The following PPM1L variants were observed in gnomAD, a reference collection of about 807,000 sequenced individuals.
The protein encoded by PPM1L is protein phosphatase, Mg2+/Mn2+ dependent 1L.
In PPM1L, 13 loss-of-function variants were observed where a neutral mutation model predicts 31.4. The ratio of observed to expected loss-of-function variants is 0.41; its 90% CI spans 0.27 to 0.66. The LOEUF (loss-of-function observed/expected upper bound fraction) is 0.66, where lower values mean the gene tolerates loss of function less well. Ranked by LOEUF, PPM1L falls within the 30% of genes least tolerant of loss-of-function variation. PPM1L has a pLI of 0.29. For synonymous variants in PPM1L, 184 were observed against 175.4 expected (o/e 1.05, Z -0.39); for missense variants, 326 against 453.7 (o/e 0.72, Z 2.56).
At chr3:160,824,632 G>A (rs1713304063) in intron 1 of PPM1L, among the ~76,000 whole-genome samples, 1 of 152,108 alleles carries the variant, frequency 6.6e-6, no homozygotes, top group Non-Finnish European at 1.5e-5. Context: ...AATACGGATG[G>A]ATCACCATAC....
chr3:160,804,212 G>T (rs1267377751), intron 1 of PPM1L, among the ~76,000 whole-genome samples: 1 of 151,986 alleles, frequency 6.6e-6, no homozygotes, highest in Non-Finnish European at 1.5e-5. Context: ...GATTACAGGC[G>T]TGAGCCACCA....
intron 2 of PPM1L, among the ~76,000 whole-genome samples, chr3:161,061,878 A>C (rs1719582345): frequency 6.6e-6 from 1 of 152,200 alleles, no homozygotes; most frequent in Non-Finnish European, 1.5e-5. Flanking sequence ...AATTCAACTC[A>C]AAAAGTCTCA....
intron 1 of PPM1L, among the ~76,000 whole-genome samples, chr3:160,915,074 A>T (rs1325367154): frequency 1.3e-5 from 2 of 152,128 alleles, no homozygotes; most frequent in Admixed American, 1.3e-4. Context: ...CAGGCAGGAG[A>T]AGGAAATAAA....
At chr3:160,950,406 A>G (rs1044346707) in intron 1 of PPM1L, among the ~76,000 whole-genome samples, 1 of 152,174 alleles carries the variant, frequency 6.6e-6, no homozygotes, top group Non-Finnish European at 1.5e-5. Flanking sequence ...ACATCACGCT[A>G]AATAAGGCAG....
At chr3:160,824,284 C>T (rs1203743680) in intron 1 of PPM1L, among the ~76,000 whole-genome samples, 1 of 152,090 alleles carries the variant, frequency 6.6e-6, no homozygotes, top group African/African-American at 2.4e-5. Context: ...CGAAACCTGA[C>T]CATATTGGCT....
At chr3:160,954,142 ATC>A (rs1222326760) in intron 1 of PPM1L, among the ~76,000 whole-genome samples, 1 of 152,218 alleles carries the variant, frequency 6.6e-6, no homozygotes, top group African/African-American at 2.4e-5. Flanking sequence ...ATCTGTAAAA[ATC>A]TGTTAGGGTT....
intron 1 of PPM1L, among the ~76,000 whole-genome samples, chr3:160,791,153 A>G (rs1197909528): frequency 6.6e-6 from 1 of 152,168 alleles, no homozygotes; most frequent in Admixed American, 6.6e-5. Context: ...AATGACAGTC[A>G]CTGCACTAGG....
rs1246796973 is a variant in PPM1L, at chr3:161,003,764, A to G, written c.574+41854A>G. ...GCTGAGACAATGGGGTTTTCTAGAT[A>G]TACAATCATGTCGTCTGCAAACAGG... On this transcript the variant is annotated intron_variant, in intron 2 of 3. Coordinates refer to ENST00000498165, the MANE Select transcript of PPM1L (RefSeq NM_139245.4). Among the ~76,000 whole-genome samples the G allele has an allele frequency of 2.0e-5, 3 of 152,082 alleles. 1 individual carries two copies. Among genetic ancestry groups the G allele is most frequent in the African/African-American group, 7.2e-5 (3 of 41,410 alleles).
chr3:160,784,666 T>C (rs1162590527), intron 1 of PPM1L, among the ~76,000 whole-genome samples: 1 of 152,232 alleles, frequency 6.6e-6, no homozygotes, highest in African/African-American at 2.4e-5. Flanking sequence ...TTTGTTTTTC[T>C]CTCCCTACAT....
intron 1 of PPM1L, among the ~76,000 whole-genome samples, chr3:160,835,073 C>CTTT (rs1560120569): frequency 2.1e-4 from 30 of 140,642 alleles, no homozygotes; most frequent in African/African-American, 9.0e-4. Flanking sequence ...TCTTCTTCTT[C>CTTT]TTCTTCTTCT....
chr3:161,052,831 T>C (rs1162538784), intron 2 of PPM1L, among the ~76,000 whole-genome samples: 1 of 152,202 alleles, frequency 6.6e-6, no homozygotes, highest in Admixed American at 6.5e-5. Context: ...TAATTCTCTT[T>C]TAAGTACCAG....
intron 2 of PPM1L, among the ~76,000 whole-genome samples, chr3:161,026,249 C>A (rs991482140): frequency 6.6e-6 from 1 of 152,142 alleles, no homozygotes; most frequent in Non-Finnish European, 1.5e-5. Flanking sequence ...GACAAGCAAG[C>A]AGGTGTGCAT....
At chr3:160,905,907 T>C (rs898324583) in intron 1 of PPM1L, among the ~76,000 whole-genome samples, 1 of 152,154 alleles carries the variant, frequency 6.6e-6, no homozygotes, top group Non-Finnish European at 1.5e-5. Context: ...CTTTACATTT[T>C]AATTGCTCAT....
intron 2 of PPM1L, among the ~76,000 whole-genome samples, chr3:161,046,466 A>G (rs1163842737): frequency 1.3e-5 from 2 of 152,106 alleles, no homozygotes; most frequent in Admixed American, 1.3e-4. Flanking sequence ...CAACCAAAAA[A>G]AGTCCAGGAC....
intron 2 of PPM1L, among the ~76,000 whole-genome samples, chr3:161,007,339 T>G (rs1451852438): frequency 6.6e-6 from 1 of 152,118 alleles, no homozygotes; most frequent in Non-Finnish European, 1.5e-5. Flanking sequence ...CTGAATAAAA[T>G]GGACCATGAA....
chr3:160,793,717 C>G (rs1712166688), intron 1 of PPM1L, among the ~76,000 whole-genome samples: 1 of 152,048 alleles, frequency 6.6e-6, no homozygotes, highest in Non-Finnish European at 1.5e-5. Context: ...GACTTTATTT[C>G]AATAGACAGT....
intron 1 of PPM1L, among the ~76,000 whole-genome samples, chr3:160,937,160 T>A (rs1199594948): frequency 6.6e-6 from 1 of 152,232 alleles, no homozygotes; most frequent in African/African-American, 2.4e-5. Flanking sequence ...AGTATTTATA[T>A]TTACATAGTC....
intron 1 of PPM1L, among the ~76,000 whole-genome samples, chr3:160,786,712 C>A (rs980302160): frequency 2.6e-5 from 4 of 151,648 alleles, no homozygotes; most frequent in Non-Finnish European, 5.9e-5. Context: ...GAGCATAGTA[C>A]CTAATAGGTA....
intron 1 of PPM1L, chr3:160,842,368 G>A: frequency 1.4e-6 from 1 of 696,454 alleles, no homozygotes; most frequent in Non-Finnish European, 2.6e-6. Context: ...AACTAGAGAG[G>A]TAGGTTGAAT....
Sources: allele counts gnomAD v4.1 joint callset (sites outside exome capture counted in the v4.1 genomes callset), GRCh38; gene constraint gnomAD v4.1.1; transcripts MANE v1.5; gene names NCBI Gene and HGNC (gene_info 2026-07-23, HGNC 2026-07-21).